The following ABCC6 variants were observed in gnomAD, a reference collection of about 807,000 sequenced individuals.
The protein encoded by ABCC6 is ATP binding cassette subfamily C member 6.
Under a neutral mutation model 169.5 loss-of-function variants are expected in ABCC6, and 126 were observed. That is an observed-to-expected ratio of 0.74 (90% CI 0.64 to 0.86). The LOEUF is 0.86. ABCC6 is among the 40% of genes least tolerant of loss of function. The pLI is 0.00. For synonymous variants in ABCC6, 752 were observed against 814.7 expected, an observed-to-expected ratio of 0.92 and a Z score of 1.31; for missense variants, 1,733 against 1,927.2, an observed-to-expected ratio of 0.90 and a Z score of 1.89.
chr16:16,190,948 G>GCA lies in ABCC6; in HGVS notation c.1432-582_1432-581insTG, dbSNP rs1346399497. 3.5e-5 allele frequency among the ~76,000 whole-genome samples: 5 copies of GCA among 143,804 alleles called. No homozygotes were observed. The Admixed American group carries it at 3.5e-4, about 10-fold the overall frequency. 94.3% of individuals were successfully genotyped at this position (143,804 alleles called of 152,430 possible). On this transcript the variant is annotated intron_variant, in intron 11 of 30. Coordinates refer to ENST00000205557, the MANE Select transcript of ABCC6 (RefSeq NM_001171.6). ...GGCTGGGGGGTAGGGGGGTGGCGGG[G>GCA]GCACCTAAAACCCAGGCACAGGGAA...
chr16:16,198,503 C>A (rs570107125), intron 9 of ABCC6, among the ~76,000 whole-genome samples: 2 of 152,104 alleles, frequency 1.3e-5, no homozygotes, highest in Non-Finnish European at 2.9e-5. Context: ...TATCCTTTCC[C>A]GGGGTGCTCA....
At chr16:16,182,335 GC>G in intron 17 of ABCC6, 76 bp downstream of exon 17, 1 of 1,543,574 alleles carries the variant, frequency 6.5e-7, no homozygotes, top group Non-Finnish European at 8.9e-7. Context: ...CCATCATACT[GC>G]CCATGATGAG....
At position 16,165,678 on chromosome 16, in the gene ABCC6, G is replaced by A. The variant is rs199637421; in HGVS notation, c.3251C>T (p.Thr1084Ile). 6.2e-7 allele frequency: 1 copy of A among 1,612,476 alleles called. No individual in the cohort carries two copies. Among genetic ancestry groups the A allele is most frequent in the South Asian group, 1.1e-5 (1 of 91,086 alleles). ...CAGGATGGCCACAGTGGCCAGTGGG[G>A]TAGCCACTGCCACCACCAGGCTGAC... ...LEVSLVVAVA[T>I]PLATVAILPL... The change falls in exon 23 of 31, where the codon ACC becomes ATC. Residue 1084 changes from threonine (T) to isoleucine (I), a missense_variant. This residue lies in a region of ABCC6 where 1,601 missense variants were observed against 1,635.5 expected (regional missense o/e 0.98). Coordinates refer to ENST00000205557, the MANE Select transcript of ABCC6 (RefSeq NM_001171.6).
intron 20 of ABCC6, among the ~76,000 whole-genome samples, chr16:16,175,479 G>A (rs1169467591): frequency 1.3e-5 from 2 of 152,196 alleles, no homozygotes; most frequent in Non-Finnish European, 2.9e-5. Flanking sequence ...CTGGCCCCTT[G>A]CCCACGTGTT....
At chr16:16,196,164 T>C (rs2048031008) in intron 10 of ABCC6, among the ~76,000 whole-genome samples, 1 of 146,698 alleles carries the variant, frequency 6.8e-6, no homozygotes, top group African/African-American at 2.6e-5. Flanking sequence ...GAGCCGAAGT[T>C]GTGCCATTGC....
intron 7 of ABCC6, among the ~76,000 whole-genome samples, chr16:16,205,330 G>A (rs933571372): frequency 2.0e-5 from 3 of 152,300 alleles, no homozygotes; most frequent in African/African-American, 7.2e-5. Context: ...CACACAGCAA[G>A]GGCAGAGCAG....
In ABCC6 at chr16:16,174,261, GCAAC is replaced by G. The variant is rs557482520; in HGVS notation, c.2667-861_2667-858del. 3.4e-3 allele frequency among the ~76,000 whole-genome samples: 516 copies of G among 152,258 alleles called. 4 individuals are homozygous for G. Among genetic ancestry groups the G allele is most frequent in the South Asian group, 4.1e-3 (20 of 4,826 alleles). Reference sequence around the variant, plus strand: ...ATCACTGAGTTTCAGCCAATCAAAGGCAACCAACCGTTCAAACCATGTTCCAATA... The same window carrying G: ...ATCACTGAGTTTCAGCCAATCAAAGGCAACCGTTCAAACCATGTTCCAATA... On this transcript the variant is annotated intron_variant, in intron 20 of 30. Transcript: ENST00000205557.
intron 14 of ABCC6, among the ~76,000 whole-genome samples, chr16:16,186,864 TGTGTTAGA>T (rs2047667883): frequency 6.6e-6 from 1 of 152,046 alleles, no homozygotes; most frequent in Non-Finnish European, 1.5e-5. Flanking sequence ...TGGGGACCAC[TGTGTTAGA>T]GTGTTCCCTG....
At chr16:16,165,996 C>T in intron 22 of ABCC6, 63 bp from the exon 23 acceptor site, 2 of 1,537,544 alleles carry the variant, frequency 1.3e-6, no homozygotes, top group Admixed American at 1.8e-5. Context: ...CCCACGGGGC[C>T]CTGCGCAGGT....
At chr16:16,162,796 C>A (rs115213933) in intron 24 of ABCC6, among the ~76,000 whole-genome samples, 197 bp downstream of exon 24, 2 of 152,284 alleles carry the variant, frequency 1.3e-5, no homozygotes, top group Admixed American at 1.3e-4. Flanking sequence ...CTGTACCCCC[C>A]GCCCACCTGC....
At chr16:16,173,010 C>T in intron 21 of ABCC6, 1 of 495,736 alleles carries the variant, frequency 2.0e-6, no homozygotes, top group Non-Finnish European at 3.6e-6. Context: ...TCACTGCGGT[C>T]CAGCCTGGGT....
intron 2 of ABCC6, 27 bp from the exon 3 acceptor site, chr16:16,219,974 G>T (rs943618780): frequency 1.1e-5 from 17 of 1,521,840 alleles, no homozygotes; most frequent in African/African-American, 1.4e-5. Flanking sequence ...AGATAAGCTT[G>T]GGGGGCAATA....
intron 20 of ABCC6, among the ~76,000 whole-genome samples, chr16:16,175,148 G>C (rs1000970416): frequency 3.3e-5 from 5 of 152,046 alleles, no homozygotes; most frequent in Non-Finnish European, 7.4e-5. Context: ...ATTCTTGTGC[G>C]CTGTGAAGGT....
chr16:16,197,630 G>T (rs2048092625), intron 10 of ABCC6, among the ~76,000 whole-genome samples: 1 of 147,726 alleles, frequency 6.8e-6, no homozygotes, highest in Non-Finnish European at 1.5e-5. Flanking sequence ...AGGAGGAAAA[G>T]GAAGGGGTGC....
chr16:16,157,980 T>C (rs1431153092), intron 26 of ABCC6, among the ~76,000 whole-genome samples, 171 bp from the exon 27 acceptor site: 1 of 152,222 alleles, frequency 6.6e-6, no homozygotes, highest in African/African-American at 2.4e-5. Context: ...ATGTCAATGC[T>C]AAAAACAGAT....
At position 16,181,329 on chromosome 16, in the gene ABCC6, C is replaced by T. The variant is rs537034014; in HGVS notation, c.2247+1083G>A. ...CTGCACTCCAGCCTGGGCAACAGAG[C>T]GAGACTCCGTCTCAGAAAAAAAAAA... On this transcript the variant is annotated intron_variant, in intron 17 of 30. Coordinates refer to ENST00000205557, the MANE Select transcript of ABCC6 (RefSeq NM_001171.6). Among the ~76,000 whole-genome samples, 63 of 131,206 alleles carry T rather than the reference C, an allele frequency of 4.8e-4. 1 individual carries two copies. In the Admixed American group the frequency reaches 5.1e-3, roughly 11 times the overall value. The allele number at this position is 131,206 out of a possible 152,430, so 86.1% of individuals were successfully genotyped here. A position where few individuals can be genotyped will look rare whatever the true frequency, so the allele number is the denominator to read the frequency against.
intron 22 of ABCC6, among the ~76,000 whole-genome samples, chr16:16,168,039 A>G (rs1026016941): frequency 2.0e-5 from 3 of 152,188 alleles, no homozygotes; most frequent in African/African-American, 7.2e-5. Context: ...TGTGGTGAGT[A>G]GGTGTACAGG....
At chr16:16,203,999 G>C (rs976352974) in intron 7 of ABCC6, among the ~76,000 whole-genome samples, 3 of 152,048 alleles carry the variant, frequency 2.0e-5, no homozygotes, top group Non-Finnish European at 2.9e-5. Flanking sequence ...AGAAGTAAAA[G>C]AACTGGAATT....
At chr16:16,182,139 T>C (rs943808726) in intron 17 of ABCC6, among the ~76,000 whole-genome samples, 9 of 152,170 alleles carry the variant, frequency 5.9e-5, no homozygotes, top group Non-Finnish European at 1.2e-4. Flanking sequence ...GACAGGAGTC[T>C]AGGTCTTCTC....
Sources: allele counts gnomAD v4.1 joint callset (sites outside exome capture counted in the v4.1 genomes callset), GRCh38; gene constraint gnomAD v4.1.1; regional missense constraint gnomAD v4.1.1; transcripts MANE v1.5; gene names NCBI Gene and HGNC (gene_info 2026-07-23, HGNC 2026-07-21).